CRISPLD2: variants seen among roughly 807,000 people sequenced by gnomAD.
The protein encoded by CRISPLD2 is cysteine rich secretory protein LCCL domain containing 2, also known as cysteine-rich secretory protein LCCL domain-containing 2.
CRISPLD2 carries 47 observed loss-of-function variants against 71.1 expected under a neutral mutation model. The ratio of observed to expected loss-of-function variants is 0.66; its 90% CI spans 0.52 to 0.84. CRISPLD2 has a LOEUF of 0.84. Among genes scored for constraint, CRISPLD2 ranks in the 40% least tolerant of loss-of-function variants. The pLI is 0.00. For synonymous variants in CRISPLD2, 317 were observed against 250.1 expected (o/e 1.27, Z -2.52); for missense variants, 830 against 651.1 (o/e 1.27, Z -2.99).
At chr16:84,825,321 G>A (rs901503684) in intron 1 of CRISPLD2, among the ~76,000 whole-genome samples, 2 of 152,174 alleles carry the variant, frequency 1.3e-5, no homozygotes, top group Non-Finnish European at 2.9e-5. Context: ...TTAACACTTT[G>A]GGAGGTCTAG....
At position 84,899,837 on chromosome 16, in the gene CRISPLD2, G is replaced by A. The variant is rs115315416; in HGVS notation, c.1440-6751G>A. 2.7e-3 allele frequency among the ~76,000 whole-genome samples: 410 copies of A among 152,248 alleles called. 1 individual carries two copies. The highest frequency in any genetic ancestry group is 9.3e-3 in the African/African-American group (388 of 41,552). On this transcript the variant is annotated intron_variant, in intron 14 of 14. Coordinates refer to ENST00000262424, the MANE Select transcript of CRISPLD2 (RefSeq NM_031476.4). ...TGAGAACATGAGAACCCACTGCACC[G>A]TCCATAGAATCTGCAGACCCATAGT...
rs377118685 is a variant in CRISPLD2, at chr16:84,891,902, G to A, written c.1439+2539G>A. 9.8e-5 allele frequency among the ~76,000 whole-genome samples: 15 copies of A among 152,342 alleles called. No homozygotes were observed. The South Asian group carries it at 2.9e-3, about 29-fold the overall frequency. ...ATCGCCACTGTCGCTGTCTTTGTAG[G>A]TGTCTTCCAGGCATCCCTCCCAAGC... On this transcript the variant is annotated intron_variant, in intron 14 of 14. Transcript: ENST00000262424.
chr16:84,861,995 T>G (rs2143253521), intron 6 of CRISPLD2, among the ~76,000 whole-genome samples: 1 of 152,258 alleles, frequency 6.6e-6, no homozygotes. Flanking sequence ...CCAAATGAGC[T>G]CACTAGTGGG....
At chr16:84,864,972 G>C (rs1346864420) in intron 6 of CRISPLD2, among the ~76,000 whole-genome samples, 3 of 152,216 alleles carry the variant, frequency 2.0e-5, no homozygotes, top group Non-Finnish European at 2.9e-5. Context: ...AAATTGGCCA[G>C]TGAAGCAGCT....
chr16:84,854,689 C>T (rs4782674), intron 5 of CRISPLD2, 40 bp from the exon 6 acceptor site: 334,089 of 1,493,676 alleles, frequency 0.22, 40,197 homozygotes, highest in East Asian at 0.48. Context: ...GGCCTCACGT[C>T]GTGGTTCCCT....
At chr16:84,865,190 C>G (rs910795681) in intron 6 of CRISPLD2, among the ~76,000 whole-genome samples, 3 of 149,528 alleles carry the variant, frequency 2.0e-5, no homozygotes, top group Non-Finnish European at 3.0e-5. Flanking sequence ...GAGTTTCGCT[C>G]TGTCGCCCAG....
At chr16:84,828,017 T>C (rs1030912938) in intron 1 of CRISPLD2, among the ~76,000 whole-genome samples, 2 of 152,194 alleles carry the variant, frequency 1.3e-5, no homozygotes, top group Admixed American at 1.3e-4. Flanking sequence ...TGCCCGTTTG[T>C]TTACTCTCTG....
chr16:84,833,211 C>T (rs979397510), intron 1 of CRISPLD2, among the ~76,000 whole-genome samples: 5 of 152,182 alleles, frequency 3.3e-5, no homozygotes, highest in Non-Finnish European at 5.9e-5. Flanking sequence ...TGGCTCCCGT[C>T]GCTTTGATTC....
At chr16:84,903,988 A>G (rs1318487864) in intron 14 of CRISPLD2, among the ~76,000 whole-genome samples, 2 of 152,118 alleles carry the variant, frequency 1.3e-5, no homozygotes, top group Non-Finnish European at 2.9e-5. Context: ...AGCGAGGAAA[A>G]CCACACACCT....
intron 3 of CRISPLD2, among the ~76,000 whole-genome samples, chr16:84,847,455 T>G (rs529997827): frequency 3.6e-4 from 55 of 152,210 alleles, no homozygotes; most frequent in African/African-American, 1.0e-3. Flanking sequence ...TTCAAGACTA[T>G]CCTGGCCAAC....
Position 84,892,891 on chromosome 16 carries a change from G to A in CRISPLD2, c.1439+3528G>A, listed in dbSNP as rs565878568. ...CTCGGGAGGCTGAGGCAGGAGAATC[G>A]CTTGAAACCAGGAGGCGGAGGTTGC... On this transcript the variant is annotated intron_variant, in intron 14 of 14. Coordinates refer to ENST00000262424, the MANE Select transcript of CRISPLD2 (RefSeq NM_031476.4). Among the ~76,000 whole-genome samples, 145 of 147,972 alleles carry A rather than the reference G, an allele frequency of 9.8e-4. 1 individual carries two copies. Among genetic ancestry groups the A allele is most frequent in the Non-Finnish European group, 5.5e-4 (37 of 67,676 alleles).
chr16:84,870,571 C>T (rs2071459743), intron 8 of CRISPLD2, among the ~76,000 whole-genome samples: 1 of 152,076 alleles, frequency 6.6e-6, no homozygotes, highest in Non-Finnish European at 1.5e-5. Context: ...CCCGCCTTGG[C>T]CTCCCAAAGT....
intron 13 of CRISPLD2, among the ~76,000 whole-genome samples, chr16:84,882,586 G>A (rs569125459): frequency 3.7e-4 from 57 of 152,192 alleles, no homozygotes; most frequent in African/African-American, 1.3e-3. Flanking sequence ...TGTATTTTTA[G>A]TAGAGACGGG....
intron 1 of CRISPLD2, among the ~76,000 whole-genome samples, chr16:84,825,886 G>A (rs1021081058): frequency 1.3e-5 from 2 of 152,128 alleles, no homozygotes; most frequent in African/African-American, 4.8e-5. Context: ...GAGCCCAGGA[G>A]GCTGAGGCTG....
In CRISPLD2 at chr16:84,850,194, G is replaced by A. The variant is rs182766384; in HGVS notation, c.493-374G>A. Among the ~76,000 whole-genome samples the A allele has an allele frequency of 4.1e-3, 619 of 151,608 alleles. 8 individuals carry two copies. The highest frequency in any genetic ancestry group is 0.014 in the African/African-American group (591 of 41,298). On this transcript the variant is annotated intron_variant, in intron 4 of 14. Coordinates refer to ENST00000262424, the MANE Select transcript of CRISPLD2 (RefSeq NM_031476.4). ...CAACCTCTGCCTCCTGGGTTCAAGCGATTCGCCTGCCTCAGCCTCCTGAGT... is the reference window on the plus strand; with the variant it reads ...CAACCTCTGCCTCCTGGGTTCAAGCAATTCGCCTGCCTCAGCCTCCTGAGT...
intron 14 of CRISPLD2, among the ~76,000 whole-genome samples, chr16:84,898,475 G>C (rs1425743944): frequency 6.6e-6 from 1 of 152,106 alleles, no homozygotes; most frequent in Admixed American, 6.6e-5. Flanking sequence ...TGTAGCTGCT[G>C]TCTGGTACCC....
At chr16:84,862,835 G>C (rs949598947) in intron 6 of CRISPLD2, among the ~76,000 whole-genome samples, 4 of 152,060 alleles carry the variant, frequency 2.6e-5, no homozygotes, top group Admixed American at 2.0e-4. Context: ...CTAGATCAGT[G>C]GTCCCAGACC....
intron 5 of CRISPLD2, among the ~76,000 whole-genome samples, chr16:84,851,059 C>T (rs1211188060): frequency 1.3e-5 from 2 of 152,200 alleles, no homozygotes; most frequent in Admixed American, 1.3e-4. Context: ...AAAAGATTGC[C>T]CCAACTGGCT....
At position 84,888,666 on chromosome 16, in the gene CRISPLD2, C is replaced by A. The variant is rs543672792; in HGVS notation, c.1306-564C>A. Among the ~76,000 whole-genome samples, 6 of 152,334 alleles carry A rather than the reference C, an allele frequency of 3.9e-5. No individual in the cohort carries two copies. The East Asian group carries it at 1.2e-3, about 29-fold the overall frequency. ...ACTGTATTCCAGCCACCCTGGCTGTCTGTCTGTTTCTTGGATATGATGAGT... is the reference window on the plus strand; with the variant it reads ...ACTGTATTCCAGCCACCCTGGCTGTATGTCTGTTTCTTGGATATGATGAGT... On this transcript the variant is annotated intron_variant, in intron 13 of 14. Transcript: ENST00000262424.
Sources: allele counts gnomAD v4.1 joint callset (sites outside exome capture counted in the v4.1 genomes callset), GRCh38; gene constraint gnomAD v4.1.1; transcripts MANE v1.5; gene names NCBI Gene and HGNC (gene_info 2026-07-23, HGNC 2026-07-21).